The following MARCHF6 variants were observed in gnomAD, a reference collection of about 807,000 sequenced individuals.
MARCHF6 encodes the protein membrane associated ring-CH-type finger 6, also known as E3 ubiquitin-protein ligase MARCHF6.
In MARCHF6, 31 loss-of-function variants were observed where a neutral mutation model predicts 133.7. The ratio of observed to expected loss-of-function variants is 0.23; its 90% confidence interval spans 0.17 to 0.31. The LOEUF (loss-of-function observed/expected upper bound fraction) is 0.31, where lower values mean the gene tolerates loss of function less well. Ranked by LOEUF, MARCHF6 falls within the 10% of genes least tolerant of loss-of-function variation. MARCHF6 has a pLI of 1.00. For synonymous variants in MARCHF6, 395 were observed against 402.5 expected, an observed-to-expected ratio of 0.98 and a Z score of 0.22; for missense variants, 723 against 1,121.6, an observed-to-expected ratio of 0.64 and a Z score of 5.08.
At chr5:10,415,905 G>T (rs904160272) in intron 21 of MARCHF6, among the ~76,000 whole-genome samples, 7 of 152,312 alleles carry the variant, frequency 4.6e-5, no homozygotes, top group Admixed American at 1.3e-4. Flanking sequence ...GGGCACAATG[G>T]CGTATGCCTG....
intron 1 of MARCHF6, among the ~76,000 whole-genome samples, chr5:10,371,454 C>T (rs1350183225): frequency 6.6e-6 from 1 of 152,168 alleles, no homozygotes; most frequent in African/African-American, 2.4e-5. Flanking sequence ...GCCTCACAAT[C>T]ATGGTGGAGG....
chr5:10,417,702 G>GT (rs1739586779), intron 22 of MARCHF6, among the ~76,000 whole-genome samples: 1 of 115,748 alleles, frequency 8.6e-6, no homozygotes, highest in African/African-American at 3.3e-5. Context: ...GGGCAACAGA[G>GT]TAAGAGCCTC....
At position 10,415,554 on chromosome 5, in the gene MARCHF6, C is replaced by T; in HGVS notation, c.2033C>T (p.Ala678Val). 6.2e-7 allele frequency: 1 copy of T among 1,614,148 alleles called. No homozygotes were observed. Among genetic ancestry groups the T allele is most frequent in the East Asian group, 2.2e-5 (1 of 44,882 alleles). The change falls in exon 21 of 26, where the codon GCT (alanine) becomes GTT (valine). Residue 678 changes from alanine (A) to valine (V), a missense_variant. Physicochemically the swap from Ala to Val is moderately conservative, Grantham distance 64 (BLOSUM62 0). This residue lies in a region of MARCHF6 where 492 missense variants were observed against 699.5 expected (regional missense o/e 0.70). Coordinates refer to ENST00000274140, the MANE Select transcript of MARCHF6 (RefSeq NM_005885.4). ...GTAKIHELYT[A>V]ACGLYVCWLT... ...GCCAAAATCCATGAGCTCTACACAGCTGCTTGTGGTCTCTATGTTTGCTGG... is the reference window on the plus strand; with the variant it reads ...GCCAAAATCCATGAGCTCTACACAGTTGCTTGTGGTCTCTATGTTTGCTGG...
At chr5:10,378,630 C>G in intron 2 of MARCHF6, 129 bp from the exon 3 acceptor site, 1 of 607,664 alleles carries the variant, frequency 1.6e-6, no homozygotes, top group South Asian at 2.1e-5. Flanking sequence ...TAAGAATATT[C>G]TAAATTTGAA....
At chr5:10,356,411 T>TATTTG (rs1735477982) in intron 1 of MARCHF6, among the ~76,000 whole-genome samples, 1 of 150,298 alleles carries the variant, frequency 6.7e-6, no homozygotes. Flanking sequence ...TATTTTATTT[T>TATTTG]CCGAGATGGA....
At chr5:10,365,752 A>G (rs749143641) in intron 1 of MARCHF6, among the ~76,000 whole-genome samples, 1 of 152,188 alleles carries the variant, frequency 6.6e-6, no homozygotes, top group Non-Finnish European at 1.5e-5. Flanking sequence ...GCAATTAAAC[A>G]CTATCTACTT....
At chr5:10,389,383 C>G (rs1056327756) in intron 5 of MARCHF6, among the ~76,000 whole-genome samples, 2 of 152,044 alleles carry the variant, frequency 1.3e-5, no homozygotes, top group Non-Finnish European at 2.9e-5. Flanking sequence ...AGCATCAAAA[C>G]TTGGTTTGCT....
chr5:10,360,701 C>G (rs1187026481), intron 1 of MARCHF6, among the ~76,000 whole-genome samples: 2 of 152,144 alleles, frequency 1.3e-5, no homozygotes, highest in Non-Finnish European at 2.9e-5. Flanking sequence ...ACTGGCTCAT[C>G]TTGGGTCAGT....
intron 5 of MARCHF6, 51 bp downstream of exon 5, chr5:10,387,117 C>A: frequency 7.7e-7 from 1 of 1,303,518 alleles, no homozygotes; most frequent in Non-Finnish European, 1.1e-6. Context: ...ATGATGCTTG[C>A]TTTTTTCCTT....
intron 19 of MARCHF6, 51 bp downstream of exon 19, chr5:10,411,588 G>C (rs748973554): frequency 6.7e-7 from 1 of 1,484,454 alleles, no homozygotes. Flanking sequence ...TGGTTTTTTT[G>C]TTCTCCAAAT....
At chr5:10,426,970 C>T (rs1460863750) in intron 24 of MARCHF6, among the ~76,000 whole-genome samples, 2 of 152,166 alleles carry the variant, frequency 1.3e-5, no homozygotes, top group Non-Finnish European at 2.9e-5. Context: ...GTAGTGAAGA[C>T]TCCTCATAGC....
At position 10,402,067 on chromosome 5, in the gene MARCHF6, A is replaced by C; in HGVS notation, c.981A>C (p.Ala327=). Residue 327 remains alanine, a synonymous_variant, in exon 12 of 26, where the codon GCA becomes GCC. Transcript: ENST00000274140. ...TTTTTTCTTATTTCCAGGTCCAAGC[A>C]TCTCATTTTGAAGGCCTAATCACAA... is the stretch of plus-strand genomic sequence containing the variant. ...VGLGFEEHVQ[A]SHFEGLITTI... 3.2e-6 allele frequency: 5 copies of C among 1,575,428 alleles called. No homozygotes were observed. Among genetic ancestry groups the C allele is most frequent in the African/African-American group, 1.3e-5 (1 of 74,284 alleles).
chr5:10,417,231 AG>A, intron 21 of MARCHF6, 38 bp from the exon 22 acceptor site: 1 of 1,587,928 alleles, frequency 6.3e-7, no homozygotes, highest in Non-Finnish European at 8.5e-7. Flanking sequence ...TGGCTCAGAA[AG>A]ATCCTCTTTA....
chr5:10,411,093 G>T (rs955531198), intron 18 of MARCHF6, among the ~76,000 whole-genome samples: 1 of 151,994 alleles, frequency 6.6e-6, no homozygotes, highest in Non-Finnish European at 1.5e-5. Context: ...TCAGATACTG[G>T]CTGAAGAAAA....
intron 1 of MARCHF6, among the ~76,000 whole-genome samples, chr5:10,361,135 A>T (rs914427580): frequency 3.3e-5 from 5 of 152,246 alleles, no homozygotes; most frequent in African/African-American, 1.2e-4. Context: ...GGTAGAGGGA[A>T]TGGAAAGAAT....
intron 7 of MARCHF6, among the ~76,000 whole-genome samples, chr5:10,393,560 A>G (rs1162067581): frequency 6.6e-6 from 1 of 152,108 alleles, no homozygotes; most frequent in African/African-American, 2.4e-5. Flanking sequence ...CTCTCTCTTG[A>G]TCTAATACAG....
rs747272184 is a variant in MARCHF6 at position 10,437,623 on chromosome 5, G to A, written c.*3939G>A. ...ATTTTGTAGTCATGAAAGTAACATA[G>A]TACCTTAAATAAAAATGTAATGACT... is the stretch of plus-strand genomic sequence containing the variant. On this transcript the variant is annotated 3_prime_UTR_variant, in exon 26 of 26. Coordinates refer to ENST00000274140, the MANE Select transcript of MARCHF6 (RefSeq NM_005885.4). The A allele has an allele frequency of 3.9e-5, 6 of 152,164 alleles. No homozygotes were observed. The highest frequency in any genetic ancestry group is 7.3e-5 in the Non-Finnish European group (5 of 68,030). 9.4% of individuals were successfully genotyped at this position (152,164 alleles called of 1,614,324 possible).
intron 25 of MARCHF6, among the ~76,000 whole-genome samples, chr5:10,430,341 C>T (rs1271670617): frequency 7.3e-6 from 1 of 136,686 alleles, no homozygotes; most frequent in African/African-American, 2.7e-5. Flanking sequence ...GAGTCTCGCT[C>T]TGTTGCCAGG....
chr5:10,353,995 A>AGGT, intron 1 of MARCHF6, 78 bp downstream of exon 1: 1 of 1,426,814 alleles, frequency 7.0e-7, no homozygotes, highest in Admixed American at 2.4e-5. Context: ...GCGGCGCTCG[A>AGGT]GGTGGGCTGC....
Sources: allele counts gnomAD v4.1 joint callset (sites outside exome capture counted in the v4.1 genomes callset), GRCh38; gene constraint gnomAD v4.1.1; regional missense constraint gnomAD v4.1.1; transcripts MANE v1.5; gene names NCBI Gene and HGNC (gene_info 2026-07-23, HGNC 2026-07-21).